SCFD2: variants seen among roughly 807,000 people sequenced by gnomAD.
SCFD2 encodes sec1 family domain-containing protein 2.
Under a neutral mutation model 58.9 loss-of-function variants are expected in SCFD2, and 54 were observed. That is an observed-to-expected ratio of 0.92 (90% CI 0.74 to 1.15). SCFD2 has a LOEUF of 1.15. SCFD2 is among the 50% of genes most tolerant of loss of function. The pLI is 0.00. For synonymous variants in SCFD2, 321 were observed against 335.9 expected (o/e 0.96, Z 0.49); for missense variants, 805 against 836.6 (o/e 0.96, Z 0.47).
At chr4:53,263,507 T>A (rs1730890358) in intron 4 of SCFD2, among the ~76,000 whole-genome samples, 1 of 152,198 alleles carries the variant, frequency 6.6e-6, no homozygotes, top group Admixed American at 6.5e-5. Flanking sequence ...ACTACAGTGA[T>A]CATTTTTGCT....
intron 3 of SCFD2, among the ~76,000 whole-genome samples, chr4:53,301,296 T>C (rs1360018603): frequency 6.6e-6 from 1 of 151,848 alleles, no homozygotes; most frequent in Non-Finnish European, 1.5e-5. Flanking sequence ...GAAATACAAA[T>C]TACCATCAGA....
At chr4:53,021,077 T>C (rs901655775) in intron 5 of SCFD2, among the ~76,000 whole-genome samples, 7 of 152,212 alleles carry the variant, frequency 4.6e-5, no homozygotes, top group Non-Finnish European at 1.0e-4. Flanking sequence ...TGACTAAGCA[T>C]GTACATCTTT....
chr4:53,299,105 G>C (rs1219172115), intron 3 of SCFD2, among the ~76,000 whole-genome samples: 1 of 152,228 alleles, frequency 6.6e-6, no homozygotes, highest in Non-Finnish European at 1.5e-5. Flanking sequence ...GAATGACTTT[G>C]ATGAGTTGAG....
intron 2 of SCFD2, among the ~76,000 whole-genome samples, chr4:53,342,174 A>G (rs1228863549): frequency 6.6e-6 from 1 of 152,172 alleles, no homozygotes; most frequent in Non-Finnish European, 1.5e-5. Flanking sequence ...AATTGGATAA[A>G]GAGTCAAGAC....
At chr4:53,134,087 C>T (rs145587026) in intron 5 of SCFD2, among the ~76,000 whole-genome samples, 344 of 152,224 alleles carry the variant, frequency 2.3e-3, no homozygotes, top group Admixed American at 6.0e-3. Flanking sequence ...CAGTTACAGA[C>T]GGGCACATAC....
chr4:53,233,566 G>C (rs1400579109), intron 4 of SCFD2, among the ~76,000 whole-genome samples: 1 of 152,132 alleles, frequency 6.6e-6, no homozygotes, highest in Non-Finnish European at 1.5e-5. Context: ...TCTAAAGCAA[G>C]GCCAGTTAAA....
chr4:52,936,653 C>T (rs1325691589), intron 5 of SCFD2, among the ~76,000 whole-genome samples: 1 of 152,208 alleles, frequency 6.6e-6, no homozygotes, highest in Non-Finnish European at 1.5e-5. Context: ...AGGCTGGCCC[C>T]TCTAGCTCTG....
chr4:53,235,304 A>G (rs1257697215), intron 4 of SCFD2, among the ~76,000 whole-genome samples: 2 of 152,236 alleles, frequency 1.3e-5, no homozygotes, highest in African/African-American at 4.8e-5. Context: ...CCACAATGAG[A>G]TATCTCTCCA....
chr4:53,247,669 C>G (rs28829603), intron 4 of SCFD2, among the ~76,000 whole-genome samples: 14,174 of 150,786 alleles, frequency 0.094, 979 homozygotes, highest in African/African-American at 0.18. Context: ...ACCATCCTGG[C>G]TAACAAGGTG....
intron 4 of SCFD2, among the ~76,000 whole-genome samples, chr4:53,225,510 T>C (rs968087612): frequency 8.5e-5 from 13 of 152,246 alleles, no homozygotes; most frequent in African/African-American, 3.1e-4. Context: ...CTTTGTCTTA[T>C]GGCAAATACT....
At chr4:53,272,630 T>G (rs1412060672) in intron 4 of SCFD2, among the ~76,000 whole-genome samples, 2 of 147,646 alleles carry the variant, frequency 1.4e-5, no homozygotes, top group East Asian at 4.0e-4. Flanking sequence ...ATGTTCTCAC[T>G]CATAGGTGGG....
At chr4:52,881,391 A>T (rs1014117791) in intron 8 of SCFD2, among the ~76,000 whole-genome samples, 1 of 152,208 alleles carries the variant, frequency 6.6e-6, no homozygotes, top group Admixed American at 6.5e-5. Context: ...ACTAGCACCC[A>T]TCTATGTCTG....
intron 3 of SCFD2, among the ~76,000 whole-genome samples, chr4:53,299,237 G>A (rs888646678): frequency 6.6e-6 from 1 of 152,152 alleles, no homozygotes; most frequent in East Asian, 1.9e-4. Flanking sequence ...AACCAATGCA[G>A]AGAAGTCCTT....
intron 6 of SCFD2, among the ~76,000 whole-genome samples, chr4:52,913,384 G>C (rs1242060002): frequency 6.6e-6 from 1 of 152,108 alleles, no homozygotes; most frequent in Non-Finnish European, 1.5e-5. Flanking sequence ...GATTCTCCTA[G>C]GATCACAAAC....
chr4:53,301,342 A>C (rs1732282786), intron 3 of SCFD2, among the ~76,000 whole-genome samples: 1 of 152,228 alleles, frequency 6.6e-6, no homozygotes, highest in South Asian at 2.1e-4. Context: ...ATAAACTAGA[A>C]AATCTAGAAG....
At chr4:53,002,906 C>T (rs757689511) in intron 5 of SCFD2, among the ~76,000 whole-genome samples, 1 of 152,120 alleles carries the variant, frequency 6.6e-6, no homozygotes, top group Admixed American at 6.5e-5. Context: ...GAAGGCAAAA[C>T]GGGAGCAGAT....
In SCFD2 at chr4:53,182,037, T is replaced by C. The variant is rs1273374070; in HGVS notation, c.1312-36455A>G. On this transcript the variant is annotated intron_variant, in intron 4 of 8. Transcript: ENST00000401642. ...CAAATGGAAGAACATCCCATGCTCA[T>C]GTCTAGGAAGAATCAATATCGTGAA... Among the ~76,000 whole-genome samples, 11 of 152,334 alleles carry C rather than the reference T, an allele frequency of 7.2e-5. No homozygotes were observed. The South Asian group carries it at 2.3e-3, about 32-fold the overall frequency.
rs367601704 is a variant in SCFD2 at position 53,330,487 on chromosome 4, G to A, written c.1008-16724C>T. Among the ~76,000 whole-genome samples, 23 of 152,118 alleles carry A rather than the reference G, an allele frequency of 1.5e-4. 1 individual carries two copies. In the South Asian group the frequency reaches 2.1e-3, roughly 14 times the overall value. ...TTTTCAACCCAGAATTTCACATCCA[G>A]CCAAACTAAGCTTCAGAAGTGAAGG... is the stretch of plus-strand genomic sequence containing the variant. On this transcript the variant is annotated intron_variant, in intron 2 of 8. Coordinates refer to ENST00000401642, the MANE Select transcript of SCFD2 (RefSeq NM_152540.4).
chr4:53,308,039 C>T (rs1372540424), intron 3 of SCFD2, among the ~76,000 whole-genome samples: 1 of 152,132 alleles, frequency 6.6e-6, no homozygotes, highest in African/African-American at 2.4e-5. Flanking sequence ...CCCAGCATCA[C>T]GAAGTGGGAG....
Sources: gnomAD v4.1 joint callset for allele counts (sites outside exome capture counted in the v4.1 genomes callset) on GRCh38, gnomAD v4.1.1 for gene constraint, MANE v1.5 for transcripts, NCBI Gene and HGNC (gene_info 2026-07-23, HGNC 2026-07-21) for gene names.